The following ADGRG2 variants were observed in gnomAD, a reference collection of about 807,000 sequenced individuals.
The protein encoded by ADGRG2 is G protein-coupled receptor 64.
Under a neutral mutation model 74.1 loss-of-function variants are expected in ADGRG2, and 26 were observed. The observed-to-expected ratio is 0.35, with a 90% CI of 0.26 to 0.49. The LOEUF is 0.49. Among genes scored for constraint, ADGRG2 ranks in the 20% least tolerant of loss-of-function variants. The pLI, the probability that ADGRG2 is intolerant of heterozygous loss-of-function variation, is 0.99. For synonymous variants in ADGRG2, 296 were observed against 295.2 expected (o/e 1.00, Z -0.03); for missense variants, 619 against 763.1 (o/e 0.81, Z 2.22).
rs1569389886 is a variant in ADGRG2, at chrX:19,027,267, T to C, written c.422A>G (p.His141Arg). 9.1e-7 allele frequency: 1 copy of C among 1,100,364 alleles called. No individual in the cohort carries two copies. The highest frequency in any genetic ancestry group is 3.0e-5 in the East Asian group (1 of 33,416). The allele number at this position is 1,100,364 out of a possible 1,213,427, so 90.7% of individuals were successfully genotyped here. A position where few individuals can be genotyped will look rare whatever the true frequency, so the allele number is the denominator to read the frequency against. Residue 141 changes from histidine to arginine, a missense_variant, in exon 11 of 29, where the codon CAT (histidine) becomes CGT (arginine). By Grantham distance (29) the His-to-Arg change is conservative. Around this residue, in one of 3 missense-constraint regions of ADGRG2, gnomAD observed 292 missense variants for 318.0 expected, o/e 0.92. Transcript: ENST00000379869. ...TCCAGTTAAGGTGCCATTCGTTATA[T>C]GTTGATTCTGTTAGAAGCATAAAAT... ...DKESTVPQNQ[H>R]ITNGTLTGVL... is the part of the protein sequence containing the mutation.
chrX:19,107,747 G>A (rs1222784296), intron 1 of ADGRG2, among the ~76,000 whole-genome samples: 1 of 107,987 alleles, frequency 9.3e-6, no homozygotes, highest in Non-Finnish European at 1.9e-5. Flanking sequence ...TTAAAATGAT[G>A]ATATGATATA....
intron 3 of ADGRG2, among the ~76,000 whole-genome samples, chrX:19,067,067 A>T (rs1312293945): frequency 8.9e-6 from 1 of 111,903 alleles, no homozygotes; most frequent in Non-Finnish European, 1.9e-5. Flanking sequence ...GCCGATTCAC[A>T]CTTCAGCTAT....
At position 18,989,800 on chromosome X, in the gene ADGRG2, A is replaced by G. The variant is rs956244015; in HGVS notation, c.*1064T>C. 2 of 112,475 alleles carry G rather than the reference A, an allele frequency of 1.8e-5. No homozygotes were observed. The highest frequency in any genetic ancestry group is 9.4e-5 in the Admixed American group (1 of 10,586). 9.3% of individuals were successfully genotyped at this position (112,475 alleles called of 1,213,427 possible). A position where few individuals can be genotyped will look rare whatever the true frequency, so the allele number is the denominator to read the frequency against. On this transcript the variant is annotated 3_prime_UTR_variant, in exon 29 of 29. Transcript: ENST00000379869. ...CAGTTGCCTTTTAAAGAACGGCAAT[A>G]TGATTTTTTTCCATATATATGTACC...
chrX:19,082,544 T>C (rs1260554798), intron 2 of ADGRG2, among the ~76,000 whole-genome samples, 158 bp downstream of exon 2: 2 of 106,621 alleles, frequency 1.9e-5, no homozygotes, highest in East Asian at 5.8e-4. Flanking sequence ...CAAGTGGGAG[T>C]GAGGAGTTAA....
chrX:19,085,945 A>G (rs2061928512), intron 1 of ADGRG2, among the ~76,000 whole-genome samples: 1 of 111,596 alleles, frequency 9.0e-6, no homozygotes, highest in African/African-American at 3.3e-5. Context: ...CTGGGAACAC[A>G]AAGACTTCTG....
At chrX:19,031,930 T>C (rs1013496420) in intron 8 of ADGRG2, 1 of 112,356 alleles carries the variant, frequency 8.9e-6, no homozygotes, top group African/African-American at 3.2e-5. Flanking sequence ...GAGCAAATGC[T>C]GATAATGTAT....
At chrX:19,033,592 G>A (rs370543435) in intron 8 of ADGRG2, 21 bp downstream of exon 8, 18 of 703,591 alleles carry the variant, frequency 2.6e-5, no homozygotes, top group Non-Finnish European at 3.7e-5. Context: ...GGAAAGTCTT[G>A]ATATTGATAA....
chrX:19,073,010 T>C (rs780853911), intron 2 of ADGRG2, among the ~76,000 whole-genome samples: 5 of 112,076 alleles, frequency 4.5e-5, no homozygotes, highest in Non-Finnish European at 7.5e-5. Flanking sequence ...ATGTTGAATG[T>C]TGGAGGTGTG....
At chrX:19,019,041 T>G (rs934439084) in intron 15 of ADGRG2, among the ~76,000 whole-genome samples, 5 of 111,323 alleles carry the variant, frequency 4.5e-5, no homozygotes, top group Non-Finnish European at 7.5e-5. Flanking sequence ...GAGCTGGGGT[T>G]TCACCGTGTT....
intron 20 of ADGRG2, among the ~76,000 whole-genome samples, chrX:19,006,660 T>C (rs1400091202): frequency 2.8e-5 from 3 of 107,557 alleles, no homozygotes; most frequent in Non-Finnish European, 1.9e-5. Flanking sequence ...GAATCAGACC[T>C]GCAGCCACAG....
Position 19,098,072 on chromosome X carries a change from A to G in ADGRG2, c.-46-15326T>C, listed in dbSNP as rs2062126998. Among the ~76,000 whole-genome samples, 3 of 113,002 alleles carry G rather than the reference A, an allele frequency of 2.7e-5. No individual in the cohort carries two copies. The Admixed American group carries it at 2.8e-4, about 11-fold the overall frequency. On this transcript the variant is annotated intron_variant, in intron 1 of 28. Coordinates refer to ENST00000379869, the MANE Select transcript of ADGRG2 (RefSeq NM_001079858.3). ...CATGATAATTTCTATTAAGATGCTC[A>G]TTTTGGCAGGCGCCAGGCCAATGCT...
intron 3 of ADGRG2, among the ~76,000 whole-genome samples, chrX:19,057,460 C>A (rs1448296559): frequency 8.9e-6 from 1 of 111,843 alleles, no homozygotes; most frequent in African/African-American, 3.2e-5. Flanking sequence ...GTACGTTTTG[C>A]AAAGGTAGTC....
Position 18,999,905 on chromosome X carries a change from C to A in ADGRG2, c.2286G>T (p.Gly762=). 1 of 1,199,731 alleles carries A rather than the reference C, an allele frequency of 8.3e-7. No homozygotes were observed. Among genetic ancestry groups the A allele is most frequent in the Non-Finnish European group, 1.1e-6 (1 of 884,743 alleles). ...IILTISPDNY[G]LGSYGKFPNG... The stretch of plus-strand genomic sequence containing the variant: ...TGGGGAATTTCCCATAGGATCCAAG[C>A]CCATAGTTATCTGGGGATATAGTCA... The change falls in exon 25 of 29, where the codon GGG becomes GGT. Residue 762 remains glycine (G), a synonymous_variant. Coordinates refer to ENST00000379869, the MANE Select transcript of ADGRG2 (RefSeq NM_001079858.3).
chrX:19,041,709 G>T (rs1024382819), intron 3 of ADGRG2, among the ~76,000 whole-genome samples: 38 of 111,963 alleles, frequency 3.4e-4, no homozygotes, highest in African/African-American at 1.1e-3. Context: ...AGGTGCTTTG[G>T]TGCCCTAATT....
intron 3 of ADGRG2, among the ~76,000 whole-genome samples, chrX:19,042,739 C>T (rs764796049): frequency 1.8e-5 from 2 of 110,982 alleles, no homozygotes; most frequent in African/African-American, 3.3e-5. Flanking sequence ...ATCTATAATC[C>T]CAGCATTTTA....
At chrX:19,045,786 T>C (rs138726682) in intron 3 of ADGRG2, among the ~76,000 whole-genome samples, 8 of 111,638 alleles carry the variant, frequency 7.2e-5, no homozygotes, top group African/African-American at 2.6e-4. Flanking sequence ...TCTTCCCCCA[T>C]ACAGTAATCC....
At chrX:19,025,004 G>A (rs1238342606) in intron 11 of ADGRG2, among the ~76,000 whole-genome samples, 1 of 111,527 alleles carries the variant, frequency 9.0e-6, no homozygotes, top group Non-Finnish European at 1.9e-5. Context: ...CAAACTCCTG[G>A]GCTCAAGAGA....
rs774781122 is a variant in ADGRG2, at chrX:19,050,738, A to T, written c.119-10514T>A. On this transcript the variant is annotated intron_variant, in intron 3 of 28. Transcript: ENST00000379869. ...ACCCATCTCTAAAAAAATTTTTTTT[A>T]AATTAAATGACTGATGTCCAGATCC... Among the ~76,000 whole-genome samples the T allele has an allele frequency of 3.6e-5, 4 of 111,563 alleles. No individual in the cohort carries two copies. In the East Asian group the frequency reaches 1.1e-3, roughly 32 times the overall value.
intron 9 of ADGRG2, among the ~76,000 whole-genome samples, chrX:19,030,667 T>C (rs1039828699): frequency 8.9e-6 from 1 of 112,421 alleles, no homozygotes; most frequent in Non-Finnish European, 1.9e-5. Flanking sequence ...ATTATTAATG[T>C]CTTTATTAGT....
Sources: gnomAD v4.1 joint callset for allele counts (sites outside exome capture counted in the v4.1 genomes callset) on GRCh38, gnomAD v4.1.1 for gene constraint, gnomAD v4.1.1 regional missense constraint, MANE v1.5 for transcripts, NCBI Gene and HGNC (gene_info 2026-07-23, HGNC 2026-07-21) for gene names.